The following DNAH8 variants were observed in gnomAD, a reference collection of about 807,000 sequenced individuals.
DNAH8 encodes the protein axonemal beta dynein heavy chain 8.
In DNAH8, 382 loss-of-function variants were observed where a neutral mutation model predicts 562.1. That is an observed-to-expected ratio of 0.68 (90% CI 0.63 to 0.74). DNAH8 has a LOEUF of 0.74. DNAH8 is among the 30% of genes least tolerant of loss of function. The pLI is 0.00. For missense variants in DNAH8, 5,203 were observed against 5,620.4 expected (o/e 0.93, Z 2.37); for synonymous variants, 1,881 against 1,919.4 (o/e 0.98, Z 0.52).
intron 88 of DNAH8, among the ~76,000 whole-genome samples, chr6:38,991,543 A>G (rs1221861416): frequency 6.6e-6 from 1 of 152,182 alleles, no homozygotes; most frequent in Non-Finnish European, 1.5e-5. Context: ...CCTGCTCAGA[A>G]TCCTCCCAAG....
At chr6:38,915,576 T>A (rs1468163174) in intron 68 of DNAH8, among the ~76,000 whole-genome samples, 199 bp downstream of exon 68, 2 of 152,184 alleles carry the variant, frequency 1.3e-5, no homozygotes, top group African/African-American at 4.8e-5. Flanking sequence ...ATTATTTTCA[T>A]CCCACAAATT....
chr6:38,785,153 A>G (rs1366223947), intron 17 of DNAH8, among the ~76,000 whole-genome samples: 2 of 152,184 alleles, frequency 1.3e-5, no homozygotes, highest in Non-Finnish European at 2.9e-5. Context: ...CACAAGTAAA[A>G]CAAACAGTCA....
At chr6:38,803,939 T>G (rs1203462438) in intron 22 of DNAH8, among the ~76,000 whole-genome samples, 1 of 152,128 alleles carries the variant, frequency 6.6e-6, no homozygotes. Flanking sequence ...CTCCCATGAT[T>G]AAAGGATGCC....
At chr6:38,769,758 A>G (rs1767378729) in intron 11 of DNAH8, among the ~76,000 whole-genome samples, 1 of 152,242 alleles carries the variant, frequency 6.6e-6, no homozygotes, top group Non-Finnish European at 1.5e-5. Flanking sequence ...TGTGGGCAAG[A>G]GGAGGCAGAA....
intron 22 of DNAH8, 88 bp from the exon 23 acceptor site, chr6:38,805,393 G>A (rs985834860): frequency 1.3e-6 from 1 of 781,928 alleles, no homozygotes; most frequent in African/African-American, 1.8e-5. Flanking sequence ...TTTTTAAAAA[G>A]GAACTTCCTA....
chr6:38,994,412 A>G (rs1043143103), intron 88 of DNAH8, among the ~76,000 whole-genome samples: 1 of 151,834 alleles, frequency 6.6e-6, no homozygotes, highest in African/African-American at 2.4e-5. Context: ...ATGACTACAT[A>G]AATTCTGTTC....
At chr6:38,810,084 A>T (rs1444987641) in intron 24 of DNAH8, among the ~76,000 whole-genome samples, 1 of 152,024 alleles carries the variant, frequency 6.6e-6, no homozygotes, top group East Asian at 1.9e-4. Flanking sequence ...TAGTGAGTTC[A>T]ATTTGTTTGC....
chr6:38,987,066 C>T (rs1764449719), intron 87 of DNAH8, among the ~76,000 whole-genome samples: 1 of 152,188 alleles, frequency 6.6e-6, no homozygotes, highest in Non-Finnish European at 1.5e-5. Flanking sequence ...GTGAACAAGG[C>T]ACCTGGATGT....
At chr6:38,850,230 T>G (rs1165928514) in intron 37 of DNAH8, 21 bp from the exon 38 acceptor site, 2 of 1,605,546 alleles carry the variant, frequency 1.2e-6, no homozygotes, top group Admixed American at 1.7e-5. Flanking sequence ...TAATCTTTAC[T>G]GGCTATGGAT....
intron 60 of DNAH8, among the ~76,000 whole-genome samples, chr6:38,898,056 C>A (rs1328771806): frequency 6.6e-6 from 1 of 151,794 alleles, no homozygotes; most frequent in Non-Finnish European, 1.5e-5. Context: ...GCACTAGAAA[C>A]CAACTAATAC....
intron 32 of DNAH8, among the ~76,000 whole-genome samples, chr6:38,835,224 T>G (rs1428351863): frequency 6.6e-6 from 1 of 152,166 alleles, no homozygotes; most frequent in African/African-American, 2.4e-5. Flanking sequence ...GCAATTCTCT[T>G]CTTTGCTCCT....
At chr6:38,958,931 A>G (rs2150659684) in intron 82 of DNAH8, among the ~76,000 whole-genome samples, 1 of 152,324 alleles carries the variant, frequency 6.6e-6, no homozygotes, top group African/African-American at 2.4e-5. Context: ...GTGCTCCGAA[A>G]GATCATTCAC....
intron 81 of DNAH8, among the ~76,000 whole-genome samples, chr6:38,950,810 C>G (rs1171348445): frequency 4.6e-5 from 7 of 151,044 alleles, no homozygotes; most frequent in African/African-American, 1.7e-4. Flanking sequence ...AGATCTATGT[C>G]AAATAGTGCA....
At chr6:38,761,951 T>C (rs923629032) in intron 11 of DNAH8, 148 bp downstream of exon 11, 2 of 474,392 alleles carry the variant, frequency 4.2e-6, no homozygotes, top group African/African-American at 2.1e-5. Flanking sequence ...TTATTATCTA[T>C]TTCCCTTTAT....
intron 75 of DNAH8, among the ~76,000 whole-genome samples, chr6:38,929,897 G>T (rs754551840): frequency 2.0e-5 from 3 of 151,914 alleles, no homozygotes; most frequent in African/African-American, 7.2e-5. Context: ...GCGTATAAAA[G>T]TTTCTGAGGT....
chr6:38,722,948 T>G lies in DNAH8; in HGVS notation c.139T>G (p.Phe47Val). ...PTVEAPAEDG[F>V]SPSAEDAVSS... ...AGTGGAGGCCCCGGCAGAAGATGGT[T>G]TCTCTCCTTCCGCAGAAGATGCTGT... The change falls in exon 2 of 93, where the codon TTC (phenylalanine) becomes GTC (valine). Residue 47 changes from phenylalanine to valine, a missense_variant. Transcript: ENST00000327475. 6.2e-7 allele frequency: 1 copy of G among 1,612,652 alleles called. No individual in the cohort carries two copies. Among genetic ancestry groups the G allele is most frequent in the Non-Finnish European group, 8.5e-7 (1 of 1,179,726 alleles).
chr6:38,813,966 T>C, intron 24 of DNAH8, 88 bp from the exon 25 acceptor site: 1 of 955,930 alleles, frequency 1.0e-6, no homozygotes, highest in Non-Finnish European at 1.7e-6. Context: ...AAATGATCTT[T>C]ATTGTTCGGA....
intron 91 of DNAH8, among the ~76,000 whole-genome samples, chr6:39,018,713 C>T (rs1017238008): frequency 2.6e-5 from 4 of 152,158 alleles, no homozygotes; most frequent in African/African-American, 9.7e-5. Context: ...TGTGAATGGG[C>T]TCCTCATGTC....
intron 88 of DNAH8, among the ~76,000 whole-genome samples, chr6:39,003,715 A>C (rs577648378): frequency 6.6e-6 from 1 of 152,322 alleles, no homozygotes; most frequent in Admixed American, 6.5e-5. Context: ...TTTATTGGCT[A>C]TATAGATTTT....
Sources: gnomAD v4.1 joint callset for allele counts (sites outside exome capture counted in the v4.1 genomes callset) on GRCh38, gnomAD v4.1.1 for gene constraint, MANE v1.5 for transcripts, NCBI Gene and HGNC (gene_info 2026-07-23, HGNC 2026-07-21) for gene names.